RFT1: variants seen among roughly 807,000 people sequenced by gnomAD.
RFT1 encodes the protein RFT1 glycolipid translocator homolog.
In RFT1, 43 loss-of-function variants were observed where a neutral mutation model predicts 62.2. That is an observed-to-expected ratio of 0.69 (90% confidence interval 0.54 to 0.89). RFT1 has a LOEUF of 0.89. Ranked by LOEUF, RFT1 falls within the 40% of genes least tolerant of loss-of-function variation. RFT1 has a pLI of 0.00. For missense variants in RFT1, 605 were observed against 649.9 expected (o/e 0.93, Z 0.75); for synonymous variants, 262 against 264.6 (o/e 0.99, Z 0.10).
At chr3:53,072,398 G>A in the RFT1 span, among the ~76,000 whole-genome samples, 1 of 152,154 alleles carries the variant, frequency 6.6e-6, no homozygotes, top group Non-Finnish European at 1.5e-5. Context: ...ACCCCCCAGG[G>A]CTGCTGGGCG....
chr3:53,081,319 C>T, the RFT1 span, among the ~76,000 whole-genome samples: 1 of 152,184 alleles, frequency 6.6e-6, no homozygotes, highest in Non-Finnish European at 1.5e-5. Context: ...CCACAGCAGG[C>T]CTTTGAGCTG....
chr3:53,068,051 G>A, the RFT1 span, among the ~76,000 whole-genome samples: 2 of 152,222 alleles, frequency 1.3e-5, no homozygotes, highest in African/African-American at 4.8e-5. Flanking sequence ...CCCCAGGACT[G>A]CCTGGCAGGA....
At chr3:53,119,337 G>A (rs918305350) in intron 6 of RFT1, among the ~76,000 whole-genome samples, 1 of 152,206 alleles carries the variant, frequency 6.6e-6, no homozygotes, top group African/African-American at 2.4e-5. Flanking sequence ...CAATGGTGGA[G>A]CCTGTGCTCT....
chr3:53,093,951 C>T (rs1701069908), intron 11 of RFT1, among the ~76,000 whole-genome samples: 1 of 152,076 alleles, frequency 6.6e-6, no homozygotes, highest in South Asian at 2.1e-4. Flanking sequence ...GAGTTCAAGG[C>T]TATGGTGAGC....
At position 53,106,848 on chromosome 3, in the gene RFT1, A is replaced by T; in HGVS notation, c.797T>A (p.Phe266Tyr). 1 of 1,613,420 alleles carries T rather than the reference A, an allele frequency of 6.2e-7. No individual in the cohort carries two copies. Among genetic ancestry groups the T allele is most frequent in the East Asian group, 2.2e-5 (1 of 44,800 alleles). The change falls in exon 8 of 13, where the codon TTT becomes TAT. Residue 266 changes from phenylalanine (F) to tyrosine (Y), a missense_variant. By Grantham distance (22) the Phe-to-Tyr change is conservative. Coordinates refer to ENST00000296292, the MANE Select transcript of RFT1 (RefSeq NM_052859.4). ...ATCACCAAAGTTCAATACATTCAAA[A>T]ATGTCATCACATATCGCTCGCCTAT... Reference protein sequence around the residue: ...LTEGERYVMTFLNVLNFGDQG... With the variant: ...LTEGERYVMTYLNVLNFGDQG...
chr3:53,074,836 G>A, the RFT1 span, among the ~76,000 whole-genome samples: 4 of 152,158 alleles, frequency 2.6e-5, no homozygotes, highest in African/African-American at 9.7e-5. Flanking sequence ...GAACAGCTAG[G>A]ACTAGGGGGC....
In RFT1 at chr3:53,092,353, G is replaced by A. The variant is rs1363632974; in HGVS notation, c.1458+16C>T. The A allele has an allele frequency of 8.8e-6, 14 of 1,591,778 alleles. No homozygotes were observed. The highest frequency in any genetic ancestry group is 1.1e-5 in the Non-Finnish European group (13 of 1,169,694). On this transcript the variant is annotated intron_variant, in intron 12 of 12. Transcript: ENST00000296292. ...AGCTGCAGAAGCATGTGGCATGATGGCTCAGGGAGTCTCACCTCCGAAACA... is the reference window on the plus strand; with the variant it reads ...AGCTGCAGAAGCATGTGGCATGATGACTCAGGGAGTCTCACCTCCGAAACA...
the RFT1 span, among the ~76,000 whole-genome samples, chr3:53,076,367 C>A: frequency 6.6e-6 from 1 of 152,066 alleles, no homozygotes; most frequent in Non-Finnish European, 1.5e-5. Flanking sequence ...GGAAAGCACA[C>A]CTGCTGGGTG....
chr3:53,100,349 T>C (rs1575484997), intron 10 of RFT1, among the ~76,000 whole-genome samples: 1 of 152,076 alleles, frequency 6.6e-6, no homozygotes, highest in African/African-American at 2.4e-5. Context: ...TGGGATTGAT[T>C]CCCCCCTTTT....
intron 10 of RFT1, among the ~76,000 whole-genome samples, chr3:53,102,240 C>T (rs182602115): frequency 6.6e-6 from 1 of 152,322 alleles, no homozygotes; most frequent in Admixed American, 6.5e-5. Flanking sequence ...GGCCTCTCCT[C>T]GAGCCTTCAG....
At chr3:53,102,905 T>C (rs915473690) in intron 10 of RFT1, among the ~76,000 whole-genome samples, 6 of 152,186 alleles carry the variant, frequency 3.9e-5, no homozygotes, top group African/African-American at 9.7e-5. Flanking sequence ...TCCTTGGTGA[T>C]TGCTTTCTAA....
At chr3:53,079,649 G>T in the RFT1 span, among the ~76,000 whole-genome samples, 1 of 152,070 alleles carries the variant, frequency 6.6e-6, no homozygotes, top group Non-Finnish European at 1.5e-5. Context: ...CAGGAGAATC[G>T]CAGAGGTTGC....
rs541632799 is a variant in RFT1 at position 53,098,939 on chromosome 3, T to A, written c.1208+442A>T. Among the ~76,000 whole-genome samples the A allele has an allele frequency of 2.8e-4, 42 of 151,504 alleles. 1 individual carries two copies. The highest frequency in any genetic ancestry group is 3.4e-3 in the Middle Eastern group (1 of 292). On this transcript the variant is annotated intron_variant, in intron 11 of 12. Coordinates refer to ENST00000296292, the MANE Select transcript of RFT1 (RefSeq NM_052859.4). Reference sequence around the variant, plus strand: ...GCACTTGGGCTTTTCTCAGGAGAAGTGTCACAGAATCCCTGAGATTCTCAA... The same window carrying A: ...GCACTTGGGCTTTTCTCAGGAGAAGAGTCACAGAATCCCTGAGATTCTCAA...
the RFT1 span, among the ~76,000 whole-genome samples, chr3:53,071,713 A>T: frequency 2.8e-4 from 42 of 152,354 alleles, no homozygotes; most frequent in African/African-American, 9.4e-4. Flanking sequence ...GTATTGGGAC[A>T]ACCAAAATCA....
chr3:53,102,306 C>T (rs976311393), intron 10 of RFT1, among the ~76,000 whole-genome samples: 2 of 152,156 alleles, frequency 1.3e-5, no homozygotes, highest in African/African-American at 2.4e-5. Context: ...CCAGAACTGA[C>T]GGACAATATG....
intron 1 of RFT1, among the ~76,000 whole-genome samples, chr3:53,127,652 TAAAAA>T (rs34417920): frequency 1.5e-5 from 2 of 137,848 alleles, no homozygotes; most frequent in Admixed American, 7.2e-5. Flanking sequence ...GACTCCATCT[TAAAAA>T]AAAAAAAAAA....
intron 2 of RFT1, among the ~76,000 whole-genome samples, chr3:53,124,918 G>C (rs1702068203): frequency 6.6e-6 from 1 of 152,206 alleles, no homozygotes; most frequent in Non-Finnish European, 1.5e-5. Context: ...GCTGCAGTGA[G>C]CCATGATGGC....
chr3:53,114,303 T>C (rs1465273455), intron 6 of RFT1, among the ~76,000 whole-genome samples: 1 of 152,202 alleles, frequency 6.6e-6, no homozygotes, highest in Non-Finnish European at 1.5e-5. Context: ...TGATGCCTGT[T>C]TGCCTGCAGG....
intron 7 of RFT1, among the ~76,000 whole-genome samples, chr3:53,108,583 G>A (rs908955517): frequency 2.0e-5 from 3 of 149,758 alleles, no homozygotes; most frequent in South Asian, 2.1e-4. Flanking sequence ...TAGTGGAGAC[G>A]GGGTTTCCCC....
Sources: allele counts gnomAD v4.1 joint callset (sites outside exome capture counted in the v4.1 genomes callset), GRCh38; gene constraint gnomAD v4.1.1; transcripts MANE v1.5; gene names NCBI Gene and HGNC (gene_info 2026-07-23, HGNC 2026-07-21).